Variants in UBASH3B observed in about 807,000 individuals in gnomAD.
UBASH3B encodes ubiquitin associated and SH3 domain containing B, also known as ubiquitin-associated and SH3 domain-containing protein B.
UBASH3B carries 37 observed loss-of-function variants against 83.4 expected under a neutral mutation model. That is an observed-to-expected ratio of 0.44 (90% CI 0.34 to 0.58). The LOEUF (loss-of-function observed/expected upper bound fraction) is 0.58. UBASH3B is among the 20% of genes least tolerant of loss of function. The probability of loss-of-function intolerance (pLI) is 0.01; values close to 1 mark genes in which losing one functional copy is unlikely to be tolerated. For synonymous variants in UBASH3B, 304 were observed against 318.3 expected (o/e 0.96, Z 0.48); for missense variants, 657 against 827.2 (o/e 0.79, Z 2.52).
intron 11 of UBASH3B, among the ~76,000 whole-genome samples, chr11:122,805,660 C>T (rs1861328446): frequency 6.6e-6 from 1 of 152,180 alleles, no homozygotes; most frequent in Non-Finnish European, 1.5e-5. Flanking sequence ...GAAAGACCTG[C>T]CCCCATGATT....
At chr11:122,725,444 G>A (rs1030591727) in intron 1 of UBASH3B, among the ~76,000 whole-genome samples, 1 of 151,970 alleles carries the variant, frequency 6.6e-6, no homozygotes, top group Non-Finnish European at 1.5e-5. Context: ...CCTTAACCGT[G>A]GTCAGGAGGC....
chr11:122,764,524 G>A (rs1860501288), intron 1 of UBASH3B, among the ~76,000 whole-genome samples: 1 of 152,238 alleles, frequency 6.6e-6, no homozygotes, highest in Non-Finnish European at 1.5e-5. Context: ...GGAAGGCTTG[G>A]CTGAAATACC....
At chr11:122,703,339 A>G (rs913815249) in intron 1 of UBASH3B, among the ~76,000 whole-genome samples, 1 of 151,984 alleles carries the variant, frequency 6.6e-6, no homozygotes, top group Non-Finnish European at 1.5e-5. Context: ...AGGCAGGAGA[A>G]TCGCTTGAAC....
chr11:122,786,845 G>T (rs1860964327), intron 5 of UBASH3B, among the ~76,000 whole-genome samples: 1 of 152,208 alleles, frequency 6.6e-6, no homozygotes, highest in Non-Finnish European at 1.5e-5. Flanking sequence ...TTGCTACAAT[G>T]CCTTAATTCT....
chr11:122,710,289 A>G lies in UBASH3B; in HGVS notation c.161+54079A>G, dbSNP rs532775415. Among the ~76,000 whole-genome samples, 5 of 152,300 alleles carry G rather than the reference A, an allele frequency of 3.3e-5. No homozygotes were observed. In the South Asian group the frequency reaches 1.0e-3, roughly 32 times the overall value. ...TAGAAGACAGAGGTAAATGCAGTTT[A>G]GGAAAGGCATTTAGGAGGAGGCGAA... On this transcript the variant is annotated intron_variant, in intron 1 of 13. Transcript: ENST00000284273.
chr11:122,764,200 G>C (rs1860494369), intron 1 of UBASH3B, among the ~76,000 whole-genome samples: 1 of 152,212 alleles, frequency 6.6e-6, no homozygotes, highest in Non-Finnish European at 1.5e-5. Context: ...TCCTTCAAAA[G>C]TCATGGATGG....
intron 1 of UBASH3B, among the ~76,000 whole-genome samples, chr11:122,725,190 G>A (rs11218778): frequency 0.47 from 70,357 of 150,740 alleles, 16,555 homozygotes; most frequent in East Asian, 0.53. Flanking sequence ...GGCTGGTCTG[G>A]AATTCCTGAC....
rs1591808666 is a variant in UBASH3B, at chr11:122,776,828, G to A, written c.216-196G>A. On this transcript the variant is annotated intron_variant, in intron 2 of 13. Coordinates refer to ENST00000284273, the MANE Select transcript of UBASH3B (RefSeq NM_032873.5). ...GAGGAGGCAAAATGACAAGAAGGAA[G>A]ACAGAAGTTGCTGCATCTGAGAATT... Among the ~76,000 whole-genome samples, 8 of 152,280 alleles carry A rather than the reference G, an allele frequency of 5.3e-5. No homozygotes were observed. In the South Asian group the frequency reaches 1.7e-3, roughly 32 times the overall value.
intron 8 of UBASH3B, 144 bp from the exon 9 acceptor site, chr11:122,796,767 T>C: frequency 9.3e-7 from 1 of 1,076,306 alleles, no homozygotes; most frequent in East Asian, 2.6e-5. Flanking sequence ...AATGTCAGCC[T>C]TGATATTTTC....
At chr11:122,661,555 T>C (rs1395872649) in intron 1 of UBASH3B, among the ~76,000 whole-genome samples, 1 of 152,196 alleles carries the variant, frequency 6.6e-6, no homozygotes, top group Non-Finnish European at 1.5e-5. Flanking sequence ...AGGGCTCTTA[T>C]AGGTGGGCAG....
chr11:122,741,026 T>C (rs1319708181), intron 1 of UBASH3B, among the ~76,000 whole-genome samples: 1 of 152,188 alleles, frequency 6.6e-6, no homozygotes, highest in Non-Finnish European at 1.5e-5. Flanking sequence ...TATTAACATA[T>C]AAATGAATTC....
intron 1 of UBASH3B, among the ~76,000 whole-genome samples, chr11:122,721,693 T>C (rs1401262249): frequency 6.6e-6 from 1 of 152,210 alleles, no homozygotes; most frequent in Non-Finnish European, 1.5e-5. Flanking sequence ...ATTTGTTACT[T>C]AGTGGTTTCC....
At chr11:122,666,140 G>A (rs991477973) in intron 1 of UBASH3B, among the ~76,000 whole-genome samples, 5 of 152,250 alleles carry the variant, frequency 3.3e-5, no homozygotes, top group East Asian at 1.9e-4. Context: ...GCATGCTCCC[G>A]ATTTCTTTCA....
chr11:122,661,892 G>T (rs1591758522), intron 1 of UBASH3B, among the ~76,000 whole-genome samples: 1 of 146,356 alleles, frequency 6.8e-6, no homozygotes, highest in African/African-American at 2.5e-5. Context: ...AAAATACCTT[G>T]ATATGCTTTT....
chr11:122,703,571 T>C (rs1864077425), intron 1 of UBASH3B, among the ~76,000 whole-genome samples: 1 of 152,262 alleles, frequency 6.6e-6, no homozygotes, highest in South Asian at 2.1e-4. Flanking sequence ...TGGGGCAGTT[T>C]ATTGATTTCA....
At chr11:122,748,886 A>G (rs1009833203) in intron 1 of UBASH3B, among the ~76,000 whole-genome samples, 2 of 152,204 alleles carry the variant, frequency 1.3e-5, no homozygotes, top group Non-Finnish European at 2.9e-5. Flanking sequence ...AAGGAAAGAG[A>G]GCCCTTGTTT....
chr11:122,794,630 T>C, intron 6 of UBASH3B, 72 bp from the exon 7 acceptor site: 1 of 1,600,648 alleles, frequency 6.2e-7, no homozygotes, highest in Non-Finnish European at 8.5e-7. Flanking sequence ...CCCACACTCC[T>C]GTTGAGCCCA....
Position 122,687,522 on chromosome 11 carries a change from G to A in UBASH3B, c.161+31312G>A, listed in dbSNP as rs145759155. Among the ~76,000 whole-genome samples the A allele has an allele frequency of 3.3e-3, 506 of 152,212 alleles. 3 individuals carry two copies. Among genetic ancestry groups the A allele is most frequent in the African/African-American group, 0.012 (478 of 41,554 alleles). On this transcript the variant is annotated intron_variant, in intron 1 of 13. Transcript: ENST00000284273. The stretch of plus-strand genomic sequence containing the variant: ...GATGGAGAGCAGGTGTGTTGTATTG[G>A]GGGGGCAGATGAGTGAGGAGGGACC...
At chr11:122,737,900 G>A (rs547478927) in intron 1 of UBASH3B, among the ~76,000 whole-genome samples, 1 of 152,304 alleles carries the variant, frequency 6.6e-6, no homozygotes, top group South Asian at 2.1e-4. Flanking sequence ...ATTACCCGGA[G>A]AGAATGAGTA....
Sources: allele counts gnomAD v4.1 joint callset (sites outside exome capture counted in the v4.1 genomes callset), GRCh38; gene constraint gnomAD v4.1.1; transcripts MANE v1.5; gene names NCBI Gene and HGNC (gene_info 2026-07-23, HGNC 2026-07-21).